Variants in PLCB1 observed in about 807,000 individuals in gnomAD.
The protein encoded by PLCB1 is 1-phosphatidylinositol 4,5-bisphosphate phosphodiesterase beta-1.
In PLCB1, 46 loss-of-function variants were observed where a neutral mutation model predicts 161.8. That is an observed-to-expected ratio of 0.28 (90% CI 0.22 to 0.36). The LOEUF is 0.36. Among genes scored for constraint, PLCB1 ranks in the 10% least tolerant of loss-of-function variants. The probability of loss-of-function intolerance (pLI) is 1.00; values close to 1 mark genes in which losing one functional copy is unlikely to be tolerated. For missense variants in PLCB1, 1,016 were observed against 1,472.5 expected (o/e 0.69, Z 5.07); for synonymous variants, 517 against 503.7 (o/e 1.03, Z -0.35).
intron 31 of PLCB1, among the ~76,000 whole-genome samples, chr20:8,832,720 A>G (rs191685923): frequency 6.6e-6 from 1 of 152,340 alleles, no homozygotes. Flanking sequence ...TGTCTAAAGA[A>G]AACGCTTGGT....
intron 31 of PLCB1, among the ~76,000 whole-genome samples, chr20:8,826,221 C>T (rs1006808324): frequency 6.6e-6 from 1 of 152,030 alleles, no homozygotes; most frequent in Non-Finnish European, 1.5e-5. Flanking sequence ...CCTCACCAGG[C>T]GCAGCAGCTC....
intron 3 of PLCB1, among the ~76,000 whole-genome samples, chr20:8,542,687 C>A (rs1985380559): frequency 6.6e-6 from 1 of 152,156 alleles, no homozygotes; most frequent in Non-Finnish European, 1.5e-5. Context: ...ATTTTTCAGA[C>A]TCTAGGGAAT....
chr20:8,416,691 C>A (rs899873722), intron 3 of PLCB1, among the ~76,000 whole-genome samples: 5 of 151,934 alleles, frequency 3.3e-5, no homozygotes, highest in Non-Finnish European at 5.9e-5. Context: ...ATAGTAATGA[C>A]CTGCTTGGAG....
chr20:8,571,471 T>C (rs6055909), intron 3 of PLCB1, among the ~76,000 whole-genome samples: 1 of 151,996 alleles, frequency 6.6e-6, no homozygotes. Flanking sequence ...GACCAAGTGA[T>C]ACTCCGTCTC....
At chr20:8,380,510 A>T (rs2122383856) in intron 3 of PLCB1, among the ~76,000 whole-genome samples, 1 of 152,288 alleles carries the variant, frequency 6.6e-6, no homozygotes, top group Admixed American at 6.5e-5. Flanking sequence ...TCATGGGTAT[A>T]GTATTGAATC....
Position 8,739,332 on chromosome 20 carries a change from T to A in PLCB1, c.2280T>A (p.Arg760=). 1.9e-6 allele frequency: 3 copies of A among 1,613,762 alleles called. No homozygotes were observed. Among genetic ancestry groups the A allele is most frequent in the Non-Finnish European group, 2.5e-6 (3 of 1,179,582 alleles). ...AAGGAGGTAAATTCATTGGCCACCGTATCTTGCCAGTGCAAGCCATTCGGC... is the reference window on the plus strand; with the variant it reads ...AAGGAGGTAAATTCATTGGCCACCGAATCTTGCCAGTGCAAGCCATTCGGC... ...YEEGGKFIGH[R]ILPVQAIRPG... The change falls in exon 21 of 32, where the codon CGT becomes CGA. Residue 760 remains arginine, a synonymous_variant. Transcript: ENST00000338037.
intron 27 of PLCB1, among the ~76,000 whole-genome samples, chr20:8,775,077 T>C (rs1465541556): frequency 1.2e-3 from 2 of 1,672 alleles, no homozygotes; most frequent in Non-Finnish European, 2.3e-3. Flanking sequence ...TTTTCCCTTT[T>C]TTTTTTTTTT....
chr20:8,871,169 C>A (rs1987596715), intron 31 of PLCB1, among the ~76,000 whole-genome samples: 2 of 152,178 alleles, frequency 1.3e-5, no homozygotes, highest in Non-Finnish European at 2.9e-5. Flanking sequence ...TAATCTATGG[C>A]TAATTCATGA....
intron 1 of PLCB1, among the ~76,000 whole-genome samples, chr20:8,135,567 G>A (rs1340232706): frequency 6.6e-6 from 1 of 152,166 alleles, no homozygotes; most frequent in Non-Finnish European, 1.5e-5. Context: ...CCAGGGCCAG[G>A]CGTTAATATT....
At chr20:8,822,404 A>G (rs1484888220) in intron 31 of PLCB1, among the ~76,000 whole-genome samples, 1 of 152,196 alleles carries the variant, frequency 6.6e-6, no homozygotes, top group Non-Finnish European at 1.5e-5. Context: ...TGTGCTGGGA[A>G]TGGACAGGCC....
In PLCB1 at chr20:8,387,767, T is replaced by C. The variant is rs532825254; in HGVS notation, c.246+16317T>C. On this transcript the variant is annotated intron_variant, in intron 3 of 31. Coordinates refer to ENST00000338037, the MANE Select transcript of PLCB1 (RefSeq NM_015192.4). ...GCTATTGTAGTCAAATCCTTAGAGA[T>C]AGAAAGTTGCATGGTGGTTGCTGGG... is the stretch of plus-strand genomic sequence containing the variant. Among the ~76,000 whole-genome samples, 5 of 151,904 alleles carry C rather than the reference T, an allele frequency of 3.3e-5. 1 individual carries two copies. Among genetic ancestry groups the C allele is most frequent in the Admixed American group, 2.0e-4 (3 of 15,244 alleles).
At chr20:8,868,411 A>G (rs1987501299) in intron 31 of PLCB1, among the ~76,000 whole-genome samples, 1 of 152,230 alleles carries the variant, frequency 6.6e-6, no homozygotes, top group Non-Finnish European at 1.5e-5. Flanking sequence ...CCTCTTCAGC[A>G]TCACTTTTCA....
chr20:8,444,903 T>A (rs989902345), intron 3 of PLCB1, among the ~76,000 whole-genome samples: 14 of 152,166 alleles, frequency 9.2e-5, no homozygotes, highest in African/African-American at 3.1e-4. Flanking sequence ...GTTTTTTTTT[T>A]TCTTGTAAAT....
At chr20:8,356,290 C>T (rs576510419) in intron 2 of PLCB1, among the ~76,000 whole-genome samples, 1 of 152,210 alleles carries the variant, frequency 6.6e-6, no homozygotes, top group Admixed American at 6.5e-5. Context: ...CAGTGGTTCT[C>T]AAACTTAAAA....
chr20:8,195,132 CT>C (rs1178420574), intron 2 of PLCB1, among the ~76,000 whole-genome samples: 1 of 151,932 alleles, frequency 6.6e-6, no homozygotes, highest in East Asian at 1.9e-4. Context: ...ATTTTTACAT[CT>C]TTTTTTGCAT....
chr20:8,614,521 T>C (rs961517218), intron 3 of PLCB1, among the ~76,000 whole-genome samples: 1 of 152,022 alleles, frequency 6.6e-6, no homozygotes, highest in Non-Finnish European at 1.5e-5. Flanking sequence ...ATTTTATCAG[T>C]ATATCAGTAA....
At chr20:8,323,022 G>A (rs991870327) in intron 2 of PLCB1, among the ~76,000 whole-genome samples, 1 of 152,104 alleles carries the variant, frequency 6.6e-6, no homozygotes, top group Non-Finnish European at 1.5e-5. Flanking sequence ...GATGCAGCCC[G>A]ATCTCCAGCT....
At position 8,722,503 on chromosome 20, in the gene PLCB1, A is replaced by G. The variant is rs369909489; in HGVS notation, c.1581+82A>G. On this transcript the variant is annotated intron_variant, in intron 15 of 31. Coordinates refer to ENST00000338037, the MANE Select transcript of PLCB1 (RefSeq NM_015192.4). ...GTCTGTCTCATGGTCACTTTCTGCCATCTAGTGGCAAAAAGTAGATTTGTG... is the reference window on the plus strand; with the variant it reads ...GTCTGTCTCATGGTCACTTTCTGCCGTCTAGTGGCAAAAAGTAGATTTGTG... The G allele has an allele frequency of 6.6e-6, 6 of 915,716 alleles. No individual in the cohort carries two copies. The African/African-American group carries it at 1.0e-4, about 16-fold the overall frequency. The allele number at this position is 915,716 out of a possible 1,614,324, so 56.7% of individuals were successfully genotyped here.
intron 9 of PLCB1, among the ~76,000 whole-genome samples, chr20:8,679,969 C>T (rs1239677316): frequency 6.6e-6 from 1 of 152,100 alleles, no homozygotes; most frequent in African/African-American, 2.4e-5. Context: ...AATTCATAGA[C>T]TTTTAGAGCT....
Sources: gnomAD v4.1 joint callset for allele counts (sites outside exome capture counted in the v4.1 genomes callset) on GRCh38, gnomAD v4.1.1 for gene constraint, MANE v1.5 for transcripts, NCBI Gene and HGNC (gene_info 2026-07-23, HGNC 2026-07-21) for gene names.